Variants in UBE2E1 observed in about 807,000 individuals in gnomAD.
The protein encoded by UBE2E1 is ubiquitin-conjugating enzyme E2 E1.
A neutral mutation model predicts 21.4 loss-of-function variants in UBE2E1; 6 were observed. The ratio of observed to expected loss-of-function variants is 0.28; its 90% CI spans 0.15 to 0.55. The LOEUF (loss-of-function observed/expected upper bound fraction) is 0.55, where lower values mean the gene tolerates loss of function less well. UBE2E1 is among the 20% of genes least tolerant of loss of function. The pLI is 0.93. For synonymous variants in UBE2E1, 87 were observed against 82.7 expected (o/e 1.05, Z -0.28); for missense variants, 142 against 236.5 (o/e 0.60, Z 2.62).
rs1700103838 is a variant in UBE2E1 at position 23,842,229 on chromosome 3, G to GTGTGTGTT, written c.203+30726_203+30727insTTGTGTGT. 1.2e-5 allele frequency among the ~76,000 whole-genome samples: 1 copy of GTGTGTGTT among 82,350 alleles called. No homozygotes were observed. Among genetic ancestry groups the GTGTGTGTT allele is most frequent in the African/African-American group, 4.8e-5 (1 of 20,824 alleles). The allele number at this position is 82,350 out of a possible 152,430, so 54.0% of individuals were successfully genotyped here. On this transcript the variant is annotated intron_variant, in intron 3 of 5. Coordinates refer to ENST00000306627, the MANE Select transcript of UBE2E1 (RefSeq NM_003341.5). The surrounding 1 kb of genome is among the most constrained non-coding windows in gnomAD (Gnocchi z 4.6). ...TGTGTGTGTGTGTGTGTGTGTGTGT[G>GTGTGTGTT]TGTGTGTGTGTGTGTGTGTGGTGTT...
At chr3:23,840,372 T>G (rs1700060348) in intron 3 of UBE2E1, among the ~76,000 whole-genome samples, 3 of 152,204 alleles carry the variant, frequency 2.0e-5, no homozygotes, top group African/African-American at 7.2e-5. Context: ...AATTTTGCCT[T>G]TTTGAGTGCT....
At chr3:23,821,448 T>C (rs760305862) in intron 3 of UBE2E1, among the ~76,000 whole-genome samples, 4 of 152,206 alleles carry the variant, frequency 2.6e-5, no homozygotes, top group Non-Finnish European at 5.9e-5. Flanking sequence ...TGGATTTTTC[T>C]CAATAATGCT....
chr3:23,880,748 C>T (rs1701019063), intron 3 of UBE2E1, among the ~76,000 whole-genome samples: 1 of 152,076 alleles, frequency 6.6e-6, no homozygotes, highest in Admixed American at 6.6e-5. Flanking sequence ...GATTTTAAAA[C>T]AAAAAGAAAA....
At chr3:23,850,681 G>GTTTT (rs550418701) in intron 3 of UBE2E1, among the ~76,000 whole-genome samples, 12 of 104,296 alleles carry the variant, frequency 1.2e-4, no homozygotes, top group African/African-American at 1.8e-4. Flanking sequence ...ACACCTGATT[G>GTTTT]TTTTTTTTTT....
At chr3:23,889,045 T>C in intron 4 of UBE2E1, 67 bp from the exon 5 acceptor site, 5 of 1,493,690 alleles carry the variant, frequency 3.3e-6, no homozygotes, top group Admixed American at 2.1e-5. Context: ...TTAAGGGTCA[T>C]TCAGTTGAAT....
At chr3:23,873,270 G>A (rs1331155701) in intron 3 of UBE2E1, among the ~76,000 whole-genome samples, 1 of 152,128 alleles carries the variant, frequency 6.6e-6, no homozygotes. Flanking sequence ...AAAGGGTCTT[G>A]GGAGAACTGC....
At chr3:23,882,417 G>C (rs967080213) in intron 3 of UBE2E1, among the ~76,000 whole-genome samples, 3 of 152,274 alleles carry the variant, frequency 2.0e-5, no homozygotes, top group African/African-American at 7.2e-5. Flanking sequence ...CCTCCAGCTA[G>C]ACGTAAAAGT....
At chr3:23,861,928 C>T (rs975874661) in intron 3 of UBE2E1, among the ~76,000 whole-genome samples, 2 of 152,240 alleles carry the variant, frequency 1.3e-5, no homozygotes, top group African/African-American at 4.8e-5. Flanking sequence ...AGCCCTCTGT[C>T]CTTGCCATAA....
chr3:23,815,617 C>T (rs1425436636), intron 3 of UBE2E1, among the ~76,000 whole-genome samples: 1 of 152,108 alleles, frequency 6.6e-6, no homozygotes, highest in African/African-American at 2.4e-5. Flanking sequence ...TTCAGAAGTC[C>T]CAGGCTGCTC....
In UBE2E1 at chr3:23,823,604, A is replaced by G. The variant is rs72625901; in HGVS notation, c.203+12094A>G. ...TTATTTCTTAGCAGACTTTGCTACA[A>G]CACATTTATCCTAAATAAAAGGAGA... On this transcript the variant is annotated intron_variant, in intron 3 of 5. Transcript: ENST00000306627. The surrounding 1 kb of genome is among the most constrained non-coding windows in gnomAD (Gnocchi z 4.2). Among the ~76,000 whole-genome samples, 436 of 152,372 alleles carry G rather than the reference A, an allele frequency of 2.9e-3. 11 individuals carry two copies. The East Asian group carries it at 0.044, about 15-fold the overall frequency.
In UBE2E1 at chr3:23,816,455, C is replaced by T. The variant is rs1348864791; in HGVS notation, c.203+4945C>T. Among the ~76,000 whole-genome samples the T allele has an allele frequency of 6.6e-6, 1 of 152,118 alleles. No homozygotes were observed. Among genetic ancestry groups the T allele is most frequent in the Non-Finnish European group, 1.5e-5 (1 of 68,032 alleles). On this transcript the variant is annotated intron_variant, in intron 3 of 5. Coordinates refer to ENST00000306627, the MANE Select transcript of UBE2E1 (RefSeq NM_003341.5). The surrounding 1 kb of genome is among the most constrained non-coding windows in gnomAD (Gnocchi z 4.8). ...GGCGCAGTGGATTACGCTTGTAATCCCAGCACTTTGGGAGGCTGAGGCAGG... is the reference window on the plus strand; with the variant it reads ...GGCGCAGTGGATTACGCTTGTAATCTCAGCACTTTGGGAGGCTGAGGCAGG...
chr3:23,811,455 T>A lies in UBE2E1; in HGVS notation c.153-5T>A, dbSNP rs780208349. On this transcript the variant is annotated splice_region_variant and splice_polypyrimidine_tract_variant and intron_variant, in intron 2 of 5. Coordinates refer to ENST00000306627, the MANE Select transcript of UBE2E1 (RefSeq NM_003341.5). ...TGTTTGTCTTTCCCATTTCTCCCAC[T>A]CCAGAATTCAGAAGGAGCTGGCGGA... The A allele has an allele frequency of 1.2e-5, 20 of 1,614,046 alleles. 1 individual carries two copies. In the South Asian group the frequency reaches 2.0e-4, roughly 16 times the overall value.
chr3:23,882,495 G>C (rs906522929), intron 3 of UBE2E1, among the ~76,000 whole-genome samples: 1 of 152,196 alleles, frequency 6.6e-6, no homozygotes, highest in South Asian at 2.1e-4. Context: ...CCGGGGCTGC[G>C]GGCGGAGCTG....
intron 3 of UBE2E1, chr3:23,879,440 G>T: frequency 2.3e-6 from 1 of 429,694 alleles, no homozygotes. Flanking sequence ...AGTGTGGAAA[G>T]ACTGAAATGA....
Position 23,810,331 on chromosome 3 carries a change from G to C in UBE2E1, c.153-1129G>C, listed in dbSNP as rs1699357161. 2 of 1,146,068 alleles carry C rather than the reference G, an allele frequency of 1.7e-6. No individual in the cohort carries two copies. The highest frequency in any genetic ancestry group is 2.5e-6 in the Non-Finnish European group (2 of 798,518). 71.0% of individuals were successfully genotyped at this position (1,146,068 alleles called of 1,614,324 possible). A position where few individuals can be genotyped will look rare whatever the true frequency, so the allele number is the denominator to read the frequency against. ...GCTCTAAGTGCCTAGGTAAGCAAAA[G>C]ACAAAGGCCAGGGCTTGGTGTGAAC... On this transcript the variant is annotated intron_variant, in intron 2 of 5. Coordinates refer to ENST00000306627, the MANE Select transcript of UBE2E1 (RefSeq NM_003341.5). The surrounding 1 kb of genome is among the most constrained non-coding windows in gnomAD (Gnocchi z 5.8).
At chr3:23,864,983 A>C (rs1187952043) in intron 3 of UBE2E1, among the ~76,000 whole-genome samples, 1 of 152,250 alleles carries the variant, frequency 6.6e-6, no homozygotes, top group Non-Finnish European at 1.5e-5. Flanking sequence ...CTTCTTCTGA[A>C]AATAAATTTC....
At chr3:23,875,257 T>C (rs144636102) in intron 3 of UBE2E1, among the ~76,000 whole-genome samples, 2 of 152,336 alleles carry the variant, frequency 1.3e-5, no homozygotes, top group African/African-American at 4.8e-5. Flanking sequence ...TTTTACCTAA[T>C]ATGGAAACAC....
At chr3:23,868,582 T>C (rs1700706923) in intron 3 of UBE2E1, among the ~76,000 whole-genome samples, 1 of 152,162 alleles carries the variant, frequency 6.6e-6, no homozygotes, top group Admixed American at 6.5e-5. Flanking sequence ...GCTGGGATTA[T>C]AGCCATGAGT....
Position 23,867,542 on chromosome 3 carries a change from T to C in UBE2E1, c.204-20025T>C, listed in dbSNP as rs1229147697. The stretch of plus-strand genomic sequence containing the variant: ...TAATTATCTTAGATAACAGTTGGTA[T>C]TTCTACATTAAAGAAGGGAGAAAGA... On this transcript the variant is annotated intron_variant, in intron 3 of 5. Coordinates refer to ENST00000306627, the MANE Select transcript of UBE2E1 (RefSeq NM_003341.5). Among the ~76,000 whole-genome samples, 3 of 152,348 alleles carry C rather than the reference T, an allele frequency of 2.0e-5. No homozygotes were observed. In the South Asian group the frequency reaches 6.2e-4, roughly 32 times the overall value.
Sources: allele counts gnomAD v4.1 joint callset (sites outside exome capture counted in the v4.1 genomes callset), GRCh38; gene constraint gnomAD v4.1.1; non-coding constraint Gnocchi (gnomAD v3.1); transcripts MANE v1.5; gene names NCBI Gene and HGNC (gene_info 2026-07-23, HGNC 2026-07-21).